The following CNTN6 variants were observed in gnomAD, a reference collection of about 807,000 sequenced individuals.
The protein encoded by CNTN6 is contactin 6.
A neutral mutation model predicts 122.8 loss-of-function variants in CNTN6; 137 were observed. That is an observed-to-expected ratio of 1.12 (90% confidence interval 0.97 to 1.29). CNTN6 has a LOEUF of 1.29. Among genes scored for constraint, CNTN6 ranks in the 50% most tolerant of loss-of-function variants. CNTN6 has a pLI of 0.00. For synonymous variants in CNTN6, 570 were observed against 426.0 expected, an observed-to-expected ratio of 1.34 and a Z score of -4.16; for missense variants, 1,634 against 1,223.4, an observed-to-expected ratio of 1.34 and a Z score of -5.01.
intron 2 of CNTN6, among the ~76,000 whole-genome samples, chr3:1,176,621 T>C (rs1412331429): frequency 6.6e-6 from 1 of 152,158 alleles, no homozygotes; most frequent in East Asian, 1.9e-4. Context: ...ATTATTCAAG[T>C]ATATAGAGAA....
chr3:1,171,584 A>C, intron 2 of CNTN6, among the ~76,000 whole-genome samples: 1 of 152,152 alleles, frequency 6.6e-6, no homozygotes, highest in East Asian at 1.9e-4. Flanking sequence ...CTGGAGCAAA[A>C]GTACCTTCGA....
chr3:1,178,635 C>T (rs1472234152), intron 2 of CNTN6, among the ~76,000 whole-genome samples: 1 of 152,126 alleles, frequency 6.6e-6, no homozygotes, highest in African/African-American at 2.4e-5. Flanking sequence ...TGCTTAATAA[C>T]TTTTTGCTGA....
chr3:1,385,828 T>C, intron 20 of CNTN6, 31 bp downstream of exon 20: 1 of 1,561,818 alleles, frequency 6.4e-7, no homozygotes, highest in South Asian at 1.2e-5. Context: ...GGAAACAAGA[T>C]TCATCTGTGA....
At chr3:1,309,206 C>T (rs1230785813) in intron 7 of CNTN6, among the ~76,000 whole-genome samples, 3 of 152,118 alleles carry the variant, frequency 2.0e-5, no homozygotes, top group Non-Finnish European at 4.4e-5. Flanking sequence ...AAACTCATCA[C>T]TATATCCAAG....
At chr3:1,168,519 G>A (rs1247366107) in intron 2 of CNTN6, among the ~76,000 whole-genome samples, 1 of 151,334 alleles carries the variant, frequency 6.6e-6, no homozygotes, top group Non-Finnish European at 1.5e-5. Context: ...TCTAAGCACT[G>A]ACTAAACAAG....
At chr3:1,231,315 G>C (rs569630762) in intron 4 of CNTN6, among the ~76,000 whole-genome samples, 1 of 152,310 alleles carries the variant, frequency 6.6e-6, no homozygotes, top group South Asian at 2.1e-4. Context: ...GAATAAAAAT[G>C]GATCAACTCC....
chr3:1,186,889 C>A (rs1012393930), intron 2 of CNTN6, among the ~76,000 whole-genome samples: 8 of 151,540 alleles, frequency 5.3e-5, no homozygotes, highest in African/African-American at 1.9e-4. Flanking sequence ...AGTATGATTC[C>A]TTTCCCTTCC....
intron 1 of CNTN6, among the ~76,000 whole-genome samples, chr3:1,114,549 G>C (rs906852818): frequency 2.0e-5 from 3 of 151,660 alleles, no homozygotes; most frequent in Admixed American, 6.6e-5. Context: ...TTCTCAAGGG[G>C]ATCACAGGTC....
chr3:1,389,598 T>C (rs796493810), intron 20 of CNTN6, among the ~76,000 whole-genome samples: 18 of 151,936 alleles, frequency 1.2e-4, no homozygotes, highest in South Asian at 4.2e-4. Context: ...CTAAATGCTC[T>C]AATTAAAAGA....
chr3:1,314,110 A>C (rs553453910), intron 7 of CNTN6, among the ~76,000 whole-genome samples: 17 of 152,206 alleles, frequency 1.1e-4, no homozygotes, highest in African/African-American at 4.1e-4. Flanking sequence ...ACTCAGAGTA[A>C]AATAAAAATG....
Position 1,099,523 on chromosome 3 carries a change from CTTA to C in CNTN6, c.-83+6409_-83+6411del, listed in dbSNP as rs377696720. ...TATTTCACCTTATGTGTTTTATATT[CTTA>C]TTATTCATTCCCTTATTGAGGGATA... On this transcript the variant is annotated intron_variant, in intron 1 of 22. Transcript: ENST00000446702. Among the ~76,000 whole-genome samples, 118 of 152,150 alleles carry C rather than the reference CTTA, an allele frequency of 7.8e-4. 1 individual carries two copies. Among genetic ancestry groups the C allele is most frequent in the African/African-American group, 2.6e-3 (107 of 41,510 alleles).
In CNTN6 at chr3:1,347,998, T is replaced by C. The variant is rs1289090474; in HGVS notation, c.1365-4326T>C. On this transcript the variant is annotated intron_variant, in intron 11 of 22. Transcript: ENST00000446702. ...TTTATTCCTCATGGAGTTATAGATATGCCTACATTCTTAGGCAGGATGAGA... is the reference window on the plus strand; with the variant it reads ...TTTATTCCTCATGGAGTTATAGATACGCCTACATTCTTAGGCAGGATGAGA... 4.6e-5 allele frequency among the ~76,000 whole-genome samples: 7 copies of C among 151,900 alleles called. No individual in the cohort carries two copies. The East Asian group carries it at 9.7e-4, about 21-fold the overall frequency.
chr3:1,268,807 T>TG lies in CNTN6; in HGVS notation c.359-9605dup, dbSNP rs368008768. Among the ~76,000 whole-genome samples, 1,302 of 150,558 alleles carry TG rather than the reference T, an allele frequency of 8.6e-3. 23 individuals are homozygous for TG. The highest frequency in any genetic ancestry group is 0.03 in the African/African-American group (1,231 of 41,154). The stretch of plus-strand genomic sequence containing the variant: ...CATCATCCGACACTGAGATGAAAGC[T>TG]GAAAAAAAAGCCAGTTTAAAAGTTC... On this transcript the variant is annotated intron_variant, in intron 4 of 22. Coordinates refer to ENST00000446702, the MANE Select transcript of CNTN6 (RefSeq NM_001289080.2).
intron 7 of CNTN6, among the ~76,000 whole-genome samples, chr3:1,311,657 A>G (rs1056138038): frequency 1.3e-5 from 2 of 151,090 alleles, no homozygotes; most frequent in African/African-American, 2.4e-5. Context: ...AAAAAAGGAG[A>G]CAATAAAATC....
chr3:1,376,732 A>G (rs1214964721), intron 16 of CNTN6, among the ~76,000 whole-genome samples: 1 of 152,164 alleles, frequency 6.6e-6, no homozygotes, highest in Non-Finnish European at 1.5e-5. Context: ...CATTTTGCCA[A>G]TTAGTAGATG....
chr3:1,343,379 G>A (rs909583054), intron 11 of CNTN6, among the ~76,000 whole-genome samples: 1 of 152,094 alleles, frequency 6.6e-6, no homozygotes, highest in Non-Finnish European at 1.5e-5. Context: ...CTTTTGTACT[G>A]CTTTAAGGGG....
chr3:1,336,571 G>A (rs1334842056), intron 11 of CNTN6, among the ~76,000 whole-genome samples: 1 of 152,182 alleles, frequency 6.6e-6, no homozygotes, highest in South Asian at 2.1e-4. Context: ...CTTACTCCAA[G>A]TATATATATT....
intron 4 of CNTN6, among the ~76,000 whole-genome samples, chr3:1,258,635 A>G (rs1423252092): frequency 6.6e-6 from 1 of 152,082 alleles, no homozygotes; most frequent in Non-Finnish European, 1.5e-5. Context: ...TCTGGGCATC[A>G]TGGCTGTTTA....
chr3:1,110,846 C>T (rs759648082), intron 1 of CNTN6, among the ~76,000 whole-genome samples: 1 of 152,132 alleles, frequency 6.6e-6, no homozygotes, highest in Non-Finnish European at 1.5e-5. Context: ...AGAGCAGGGA[C>T]TCTTAGTCCG....
Sources: allele counts gnomAD v4.1 joint callset (sites outside exome capture counted in the v4.1 genomes callset), GRCh38; gene constraint gnomAD v4.1.1; transcripts MANE v1.5; gene names NCBI Gene and HGNC (gene_info 2026-07-23, HGNC 2026-07-21).